The following C19orf44 variants were observed in gnomAD, a reference collection of about 807,000 sequenced individuals.
The protein encoded by C19orf44 is uncharacterized protein C19orf44.
In C19orf44, 43 loss-of-function variants were observed where a neutral mutation model predicts 50.7. That is an observed-to-expected ratio of 0.85 (90% confidence interval 0.66 to 1.09). C19orf44 has a LOEUF of 1.09. C19orf44 is among the 50% of genes least tolerant of loss of function. The pLI is 0.00. For missense variants in C19orf44, 722 were observed against 836.2 expected (o/e 0.86, Z 1.68); for synonymous variants, 298 against 334.7 (o/e 0.89, Z 1.20).
At chr19:16,506,017 G>C (rs1365855803) in intron 3 of C19orf44, among the ~76,000 whole-genome samples, 12 of 147,646 alleles carry the variant, frequency 8.1e-5, no homozygotes, top group East Asian at 6.2e-4. Flanking sequence ...GTCTCTCTAT[G>C]CTCCAGGCTG....
intron 4 of C19orf44, among the ~76,000 whole-genome samples, chr19:16,508,924 G>A (rs2093448393): frequency 6.6e-6 from 1 of 151,800 alleles, no homozygotes; most frequent in Admixed American, 6.6e-5. Context: ...GGGTTCAAGT[G>A]ATTCTCCTGC....
chr19:16,497,470 C>T (rs548480524), intron 1 of C19orf44, among the ~76,000 whole-genome samples: 32 of 151,202 alleles, frequency 2.1e-4, no homozygotes, highest in South Asian at 6.3e-4. Flanking sequence ...CCTGTCTCAG[C>T]GTCCTGAGTA....
At chr19:16,504,926 C>T (rs2093436514) in intron 3 of C19orf44, among the ~76,000 whole-genome samples, 2 of 150,316 alleles carry the variant, frequency 1.3e-5, no homozygotes, top group South Asian at 4.2e-4. Context: ...TCAAGCGATT[C>T]TCCTGCCTCA....
chr19:16,510,035 C>T (rs1202588235), intron 5 of C19orf44, 47 bp downstream of exon 5: 4 of 1,613,542 alleles, frequency 2.5e-6, no homozygotes, highest in Non-Finnish European at 3.4e-6. Flanking sequence ...GACAGGAGCT[C>T]AGCGTGTGGT....
intron 1 of C19orf44, among the ~76,000 whole-genome samples, 184 bp from the exon 2 acceptor site, chr19:16,500,608 G>A (rs2093422336): frequency 1.3e-5 from 2 of 152,102 alleles, no homozygotes; most frequent in Admixed American, 1.3e-4. Flanking sequence ...CTCCCAAAGT[G>A]CTGGGATTAC....
Position 16,503,300 on chromosome 19 carries a change from A to G in C19orf44, c.995A>G (p.Lys332Arg). Reference sequence around the variant, plus strand: ...GTGTCTTTAAAGATGGGGCATGTCAAGCTTGTGTCCTCCCCGGGAAGGAGT... The same window carrying G: ...GTGTCTTTAAAGATGGGGCATGTCAGGCTTGTGTCCTCCCCGGGAAGGAGT... ...NSVSLKMGHV[K>R]LVSSPGRSEA... is the part of the protein sequence containing the mutation. Residue 332 changes from lysine to arginine, a missense_variant, in exon 3 of 9, where the codon AAG becomes AGG. Physicochemically the swap from Lys to Arg is conservative, Grantham distance 26 (BLOSUM62 2). Transcript: ENST00000221671. 6.2e-7 allele frequency: 1 copy of G among 1,614,118 alleles called. No individual in the cohort carries two copies. The highest frequency in any genetic ancestry group is 8.5e-7 in the Non-Finnish European group (1 of 1,180,030).
At chr19:16,498,864 G>A (rs998484921) in intron 1 of C19orf44, among the ~76,000 whole-genome samples, 5 of 151,568 alleles carry the variant, frequency 3.3e-5, no homozygotes, top group African/African-American at 9.7e-5. Context: ...TAGAGACGGG[G>A]TTTCACTGTG....
intron 1 of C19orf44, among the ~76,000 whole-genome samples, chr19:16,499,100 C>T (rs997604483): frequency 1.3e-5 from 2 of 152,028 alleles, no homozygotes; most frequent in Admixed American, 6.6e-5. Flanking sequence ...GTAACTTGCC[C>T]GGGGTCACAC....
rs2085604251 is a variant in C19orf44, at chr19:16,520,652, CTAAA to C, written c.*602_*605del. 5 of 1,180,868 alleles carry C rather than the reference CTAAA, an allele frequency of 4.2e-6. No homozygotes were observed. The highest frequency in any genetic ancestry group is 3.9e-5 in the Admixed American group (2 of 51,336). The allele number at this position is 1,180,868 out of a possible 1,614,324, so 73.1% of individuals were successfully genotyped here. A position where few individuals can be genotyped will look rare whatever the true frequency, so the allele number is the denominator to read the frequency against. On this transcript the variant is annotated 3_prime_UTR_variant, in exon 9 of 9. Coordinates refer to ENST00000221671, the MANE Select transcript of C19orf44 (RefSeq NM_032207.4). The surrounding 1 kb of genome is among the most constrained non-coding windows in gnomAD (Gnocchi z 4.0). Reference sequence around the variant, plus strand: ...TAGCCACAGCAACGGTACCAAGTTCCTAAATAGTGTGGCCGAGCCTGCTGCTGTG... The same window carrying C: ...TAGCCACAGCAACGGTACCAAGTTCCTAGTGTGGCCGAGCCTGCTGCTGTG...
At position 16,506,707 on chromosome 19, in the gene C19orf44, G is replaced by A; in HGVS notation, c.1082G>A (p.Arg361Lys). Residue 361 changes from arginine (R) to lysine (K), a missense_variant, in exon 4 of 9, where the codon AGA becomes AAA. Physicochemically the swap from Arg to Lys is conservative, Grantham distance 26. Coordinates refer to ENST00000221671, the MANE Select transcript of C19orf44 (RefSeq NM_032207.4). ...EGADDSLDEF[R>K]INILSLDGLA... The stretch of plus-strand genomic sequence containing the variant: ...ACTCATTTTTTAATTACAGAGTTTA[G>A]AATAAATATTTTATCGCTTGACGGT... 6.3e-7 allele frequency: 1 copy of A among 1,595,382 alleles called. No individual in the cohort carries two copies. The highest frequency in any genetic ancestry group is 8.5e-7 in the Non-Finnish European group (1 of 1,170,106).
chr19:16,518,903 T>C (rs1219122369), intron 8 of C19orf44: 3 of 531,960 alleles, frequency 5.6e-6, no homozygotes, highest in Non-Finnish European at 9.9e-6. Flanking sequence ...TGCTTCGCTA[T>C]AAAGGAAAAC....
chr19:16,499,084 G>A (rs1179933882), intron 1 of C19orf44, among the ~76,000 whole-genome samples: 1 of 152,134 alleles, frequency 6.6e-6, no homozygotes, highest in Non-Finnish European at 1.5e-5. Context: ...GACACAGAGC[G>A]ATTAAGTAAC....
chr19:16,517,385 A>G, intron 8 of C19orf44, 44 bp downstream of exon 8: 2 of 1,373,560 alleles, frequency 1.5e-6, no homozygotes, highest in Non-Finnish European at 2.0e-6. Flanking sequence ...GCACACAAAC[A>G]TAGAGCTCAT....
At chr19:16,507,443 T>A (rs1291567987) in intron 4 of C19orf44, among the ~76,000 whole-genome samples, 5 of 151,788 alleles carry the variant, frequency 3.3e-5, no homozygotes, top group African/African-American at 1.2e-4. Flanking sequence ...ATTTTTATTT[T>A]AAAATATTTA....
At chr19:16,512,167 T>C (rs907472095) in intron 5 of C19orf44, among the ~76,000 whole-genome samples, 1 of 152,030 alleles carries the variant, frequency 6.6e-6, no homozygotes, top group African/African-American at 2.4e-5. Flanking sequence ...TCACATGGAC[T>C]GAGTCAAATC....
At chr19:16,499,973 G>A (rs942116757) in intron 1 of C19orf44, among the ~76,000 whole-genome samples, 3 of 152,126 alleles carry the variant, frequency 2.0e-5, no homozygotes, top group Middle Eastern at 3.4e-3. Context: ...ATTTTTAGTA[G>A]AGACGGGGTT....
At chr19:16,500,129 A>G (rs1366499013) in intron 1 of C19orf44, among the ~76,000 whole-genome samples, 2 of 151,964 alleles carry the variant, frequency 1.3e-5, no homozygotes, top group Non-Finnish European at 2.9e-5. Flanking sequence ...GGGCTTTGCC[A>G]TGTTGGCCAG....
Position 16,519,559 on chromosome 19 carries a change from T to A in C19orf44, c.*41-535T>A. The A allele has an allele frequency of 6.9e-7, 1 of 1,448,888 alleles. No homozygotes were observed. The highest frequency in any genetic ancestry group is 9.7e-7 in the Non-Finnish European group (1 of 1,031,770). The allele number at this position is 1,448,888 out of a possible 1,614,324, so 89.8% of individuals were successfully genotyped here. ...TGCACTGAGGAAGAGAAAGCGCTGG[T>A]GACTCCCGGGCCCAGCACGCGTGAG... On this transcript the variant is annotated intron_variant, in intron 8 of 8. Transcript: ENST00000221671. The surrounding 1 kb of genome is among the most constrained non-coding windows in gnomAD (Gnocchi z 6.0).
At chr19:16,508,100 C>T (rs112972234) in intron 4 of C19orf44, among the ~76,000 whole-genome samples, 2,150 of 148,846 alleles carry the variant, frequency 0.014, 48 homozygotes, top group African/African-American at 0.051. Flanking sequence ...CCACCACGCC[C>T]GGCCTTAATT....
Sources: gnomAD v4.1 joint callset for allele counts (sites outside exome capture counted in the v4.1 genomes callset) on GRCh38, gnomAD v4.1.1 for gene constraint, Gnocchi (gnomAD v3.1) non-coding constraint, MANE v1.5 for transcripts, NCBI Gene and HGNC (gene_info 2026-07-23, HGNC 2026-07-21) for gene names.